The following PNPT1 variants were observed in gnomAD, a reference collection of about 807,000 sequenced individuals.
PNPT1 encodes polyribonucleotide nucleotidyltransferase 1, mitochondrial.
Under a neutral mutation model 119.5 loss-of-function variants are expected in PNPT1, and 53 were observed. That is an observed-to-expected ratio of 0.44 (90% CI 0.36 to 0.56). The LOEUF (loss-of-function observed/expected upper bound fraction) is 0.56. Among genes scored for constraint, PNPT1 ranks in the 20% least tolerant of loss-of-function variants. The probability of loss-of-function intolerance (pLI) is 0.00; values close to 1 mark genes in which losing one functional copy is unlikely to be tolerated. For missense variants in PNPT1, 948 were observed against 938.5 expected (o/e 1.01, Z -0.13); for synonymous variants, 357 against 322.1 (o/e 1.11, Z -1.16).
At position 55,643,528 on chromosome 2, in the gene PNPT1, T is replaced by C. The variant is rs996327420; in HGVS notation, c.1907-103A>G. On this transcript the variant is annotated intron_variant, in intron 23 of 27. Coordinates refer to ENST00000447944, the MANE Select transcript of PNPT1 (RefSeq NM_033109.5). The stretch of plus-strand genomic sequence containing the variant: ...GGGGGGCTGAGGTGGGAGGATCACT[T>C]GAGCTCAGGAGTTCAAGGCCAGCCT... 18 of 988,944 alleles carry C rather than the reference T, an allele frequency of 1.8e-5. No homozygotes were observed. The African/African-American group carries it at 2.9e-4, about 16-fold the overall frequency. 61.3% of individuals were successfully genotyped at this position (988,944 alleles called of 1,614,324 possible). A position where few individuals can be genotyped will look rare whatever the true frequency, so the allele number is the denominator to read the frequency against.
intron 5 of PNPT1, among the ~76,000 whole-genome samples, chr2:55,681,249 A>G (rs1457889616): frequency 6.6e-6 from 1 of 152,148 alleles, no homozygotes; most frequent in Admixed American, 6.5e-5. Context: ...GCTACTAAAA[A>G]GACAAAAATT....
intron 12 of PNPT1, 60 bp from the exon 13 acceptor site, chr2:55,667,153 CT>C: frequency 3.1e-6 from 4 of 1,291,844 alleles, no homozygotes; most frequent in Non-Finnish European, 4.5e-6. Context: ...AATCACATGT[CT>C]TTATCTCTCC....
intron 3 of PNPT1, among the ~76,000 whole-genome samples, chr2:55,685,982 C>G (rs1697394423): frequency 6.6e-6 from 1 of 152,072 alleles, no homozygotes; most frequent in Non-Finnish European, 1.5e-5. Flanking sequence ...TGCAATTTTT[C>G]CCCCAATATT....
At position 55,646,439 on chromosome 2, in the gene PNPT1, AG is replaced by A. The variant is rs1474250997; in HGVS notation, c.1649del (p.Thr550IlefsTer5). 1 of 1,612,698 alleles carries A rather than the reference AG, an allele frequency of 6.2e-7. No homozygotes were observed. The highest frequency in any genetic ancestry group is 8.5e-7 in the Non-Finnish European group (1 of 1,179,564). ...CCTGTAATGCAGTTATTCCTTTATT[AG>A]TGCCAGCTATTTTGAAGTCCATGTC... ...NGDMDFKIAG[T>X]NKGITALQAD... On this transcript the variant is annotated frameshift_variant, in exon 20 of 28. Coordinates refer to ENST00000447944, the MANE Select transcript of PNPT1 (RefSeq NM_033109.5). LOFTEE classifies it high-confidence loss of function.
In PNPT1 at chr2:55,636,084, A is replaced by G; in HGVS notation, c.*153T>C. On this transcript the variant is annotated 3_prime_UTR_variant, in exon 28 of 28. Coordinates refer to ENST00000447944, the MANE Select transcript of PNPT1 (RefSeq NM_033109.5). ...AATATGGGTTACTCGAATTAAAAAA[A>G]TGGCACATGTAAATGAGCATTTTAG... 2.3e-6 allele frequency: 1 copy of G among 428,664 alleles called. No individual in the cohort carries two copies. The highest frequency in any genetic ancestry group is 3.9e-6 in the Non-Finnish European group (1 of 258,142). 26.6% of individuals were successfully genotyped at this position (428,664 alleles called of 1,614,324 possible).
chr2:55,641,163 G>T (rs989429918), intron 25 of PNPT1, among the ~76,000 whole-genome samples: 1 of 152,136 alleles, frequency 6.6e-6, no homozygotes, highest in African/African-American at 2.4e-5. Context: ...GGCGGAGGTG[G>T]CAGTGAGCCG....
At position 55,647,356 on chromosome 2, in the gene PNPT1, T is replaced by C. The variant is rs1253878899; in HGVS notation, c.1593A>G (p.Thr531=). Residue 531 remains threonine, a synonymous_variant, in exon 19 of 28, where the codon ACA becomes ACG. Transcript: ENST00000447944. ...CCGAGAATATACTTGCCAAAATATCTGTCAGCAAACGATAATCTTCTATTT... is the reference window on the plus strand; with the variant it reads ...CCGAGAATATACTTGCCAAAATATCCGTCAGCAAACGATAATCTTCTATTT... ...KGEIEDYRLL[T]DILGIEDYNG... 1 of 1,604,750 alleles carries C rather than the reference T, an allele frequency of 6.2e-7. No individual in the cohort carries two copies. The highest frequency in any genetic ancestry group is 1.1e-5 in the South Asian group (1 of 88,872).
At chr2:55,683,588 G>C (rs949230361) in intron 5 of PNPT1, among the ~76,000 whole-genome samples, 197 bp downstream of exon 5, 1 of 149,168 alleles carries the variant, frequency 6.7e-6, no homozygotes, top group African/African-American at 2.5e-5. Flanking sequence ...ACTCCAGCCT[G>C]GGCGACAAAG....
intron 15 of PNPT1, 71 bp downstream of exon 15, chr2:55,660,086 A>AAAATTTATTTT (rs1253200336): frequency 1.4e-6 from 2 of 1,414,058 alleles, no homozygotes; most frequent in Non-Finnish European, 1.9e-6. Context: ...CCTGGACAAC[A>AAAATTTATTTT]GGGTGAGACC....
At chr2:55,680,663 T>G in intron 7 of PNPT1, 49 bp downstream of exon 7, 1 of 1,533,072 alleles carries the variant, frequency 6.5e-7, no homozygotes, top group Non-Finnish European at 8.9e-7. Context: ...TACTACTTAC[T>G]GAAAAAAAAA....
chr2:55,676,387 A>T (rs901202084), intron 8 of PNPT1, among the ~76,000 whole-genome samples: 14 of 152,132 alleles, frequency 9.2e-5, no homozygotes, highest in African/African-American at 3.1e-4. Context: ...TTCTAAAAAC[A>T]TGTTACTGGT....
Position 55,640,632 on chromosome 2 carries a change from G to T in PNPT1, c.2143C>A (p.Arg715=). The change falls in exon 26 of 28, where the codon CGA becomes AGA. Residue 715 remains arginine, a synonymous_variant. Coordinates refer to ENST00000447944, the MANE Select transcript of PNPT1 (RefSeq NM_033109.5). ...AATAACATCTGTCTTTTTACCTTTCGTTGATCAAGTTGTGTGTTATGAAGC... is the reference window on the plus strand; with the variant it reads ...AATAACATCTGTCTTTTTACCTTTCTTTGATCAAGTTGTGTGTTATGAAGC... The part of the protein sequence containing the change: ...VLLHNTQLDQ[R]KIKHPTALGL... 6.3e-7 allele frequency: 1 copy of T among 1,579,654 alleles called. No individual in the cohort carries two copies. The highest frequency in any genetic ancestry group is 8.7e-7 in the Non-Finnish European group (1 of 1,150,076).
At chr2:55,639,019 G>A (rs533676762) in intron 26 of PNPT1, among the ~76,000 whole-genome samples, 1 of 152,122 alleles carries the variant, frequency 6.6e-6, no homozygotes, top group East Asian at 1.9e-4. Flanking sequence ...AAAGTGATCC[G>A]TCCACCTTGG....
chr2:55,666,519 C>T (rs1696739016), intron 13 of PNPT1, among the ~76,000 whole-genome samples: 1 of 152,040 alleles, frequency 6.6e-6, no homozygotes, highest in Non-Finnish European at 1.5e-5. Context: ...GCAATTATAC[C>T]TCAAAAAAAC....
At chr2:55,665,643 C>G (rs1696709633) in intron 13 of PNPT1, among the ~76,000 whole-genome samples, 1 of 152,026 alleles carries the variant, frequency 6.6e-6, no homozygotes, top group African/African-American at 2.4e-5. Context: ...CTCTAGGGGA[C>G]AACATTCATG....
chr2:55,667,673 C>A (rs1416202718), intron 12 of PNPT1, among the ~76,000 whole-genome samples, 189 bp downstream of exon 12: 1 of 151,992 alleles, frequency 6.6e-6, no homozygotes, highest in Admixed American at 6.6e-5. Flanking sequence ...GCTTTATACA[C>A]CAGGCCCAAG....
rs545798905 is a variant in PNPT1 at position 55,650,282 on chromosome 2, G to A, written c.1496-2829C>T. 1.7e-4 allele frequency among the ~76,000 whole-genome samples: 26 copies of A among 152,280 alleles called. 1 individual carries two copies. The highest frequency in any genetic ancestry group is 5.3e-4 in the African/African-American group (22 of 41,568). On this transcript the variant is annotated intron_variant, in intron 18 of 27. Coordinates refer to ENST00000447944, the MANE Select transcript of PNPT1 (RefSeq NM_033109.5). Reference sequence around the variant, plus strand: ...CTCAGCCTGCCGACTGCCTGCGATTGCAGGCGCGCGCCGCCACGCCTGACT... The same window carrying A: ...CTCAGCCTGCCGACTGCCTGCGATTACAGGCGCGCGCCGCCACGCCTGACT...
intron 23 of PNPT1, 49 bp downstream of exon 23, chr2:55,644,588 T>C (rs1559087639): frequency 7.2e-7 from 1 of 1,397,038 alleles, no homozygotes; most frequent in East Asian, 2.3e-5. Flanking sequence ...AGCAAACTTT[T>C]ATGGTCTAGC....
intron 1 of PNPT1, among the ~76,000 whole-genome samples, chr2:55,691,243 T>G (rs548781398): frequency 6.6e-6 from 1 of 152,352 alleles, no homozygotes; most frequent in South Asian, 2.1e-4. Flanking sequence ...ATTTGATACA[T>G]AGTAGATGCT....
Sources: allele counts gnomAD v4.1 joint callset (sites outside exome capture counted in the v4.1 genomes callset), GRCh38; gene constraint gnomAD v4.1.1; transcripts MANE v1.5; gene names NCBI Gene and HGNC (gene_info 2026-07-23, HGNC 2026-07-21).